RNF217: variants seen among roughly 807,000 people sequenced by gnomAD.
The protein encoded by RNF217 is E3 ubiquitin-protein ligase RNF217.
RNF217 carries 31 observed loss-of-function variants against 57.8 expected under a neutral mutation model. The ratio of observed to expected loss-of-function variants is 0.54; its 90% CI spans 0.40 to 0.72. The LOEUF (loss-of-function observed/expected upper bound fraction) is 0.72. Ranked by LOEUF, RNF217 falls within the 30% of genes least tolerant of loss-of-function variation. The probability of loss-of-function intolerance (pLI) is 0.00; values close to 1 mark genes in which losing one functional copy is unlikely to be tolerated. For missense variants in RNF217, 696 were observed against 708.3 expected (o/e 0.98, Z 0.20); for synonymous variants, 313 against 294.0 (o/e 1.06, Z -0.66).
At chr6:124,977,233 T>C (rs528477308) in intron 1 of RNF217, among the ~76,000 whole-genome samples, 5 of 152,206 alleles carry the variant, frequency 3.3e-5, no homozygotes, top group African/African-American at 4.8e-5. Flanking sequence ...ACTAGCTGAA[T>C]TTCAGCCACA....
intron 3 of RNF217, among the ~76,000 whole-genome samples, chr6:125,065,827 A>C (rs190924268): frequency 1.1e-4 from 16 of 152,328 alleles, no homozygotes; most frequent in African/African-American, 3.6e-4. Flanking sequence ...CTGTTGGCTC[A>C]GTCGGTAGGC....
chr6:125,006,009 TAAA>T (rs1284576966), intron 1 of RNF217: 2 of 152,184 alleles, frequency 1.3e-5, no homozygotes, highest in Admixed American at 6.5e-5. Context: ...GTTAATTAAT[TAAA>T]TAGTTTTTGA....
In RNF217 at chr6:124,963,043, T is replaced by C; in HGVS notation, c.499T>C (p.Tyr167His). The C allele has an allele frequency of 6.3e-7, 1 of 1,586,126 alleles. No individual in the cohort carries two copies. Among genetic ancestry groups the C allele is most frequent in the Non-Finnish European group, 8.5e-7 (1 of 1,174,370 alleles). Residue 167 changes from tyrosine (Y) to histidine (H), a missense_variant, in exon 1 of 6, where the codon TAC (tyrosine) becomes CAC (histidine). Tyr to His is a moderately conservative substitution (Grantham distance 83). Transcript: ENST00000521654. ...CAAGAGACAAGTCTTCTGCTCCGTG[T>C]ACTGCGTGGAGAGCGACCTGCCCGA... ...LAKRQVFCSV[Y>H]CVESDLPEAP...
At chr6:125,035,976 G>A (rs1786596508) in intron 1 of RNF217, among the ~76,000 whole-genome samples, 1 of 151,784 alleles carries the variant, frequency 6.6e-6, no homozygotes, top group African/African-American at 2.4e-5. Context: ...TGTTACATAG[G>A]TATACATGTG....
intron 3 of RNF217, among the ~76,000 whole-genome samples, chr6:125,062,356 A>C (rs1787767533): frequency 6.6e-6 from 1 of 152,266 alleles, no homozygotes; most frequent in South Asian, 2.1e-4. Context: ...ATTTTTATTT[A>C]TAATTGTATT....
At chr6:124,974,104 AT>A (rs1783866889) in intron 1 of RNF217, among the ~76,000 whole-genome samples, 1 of 152,064 alleles carries the variant, frequency 6.6e-6, no homozygotes, top group South Asian at 2.1e-4. Flanking sequence ...GCTGCATGAC[AT>A]TTTCTGCCCT....
At chr6:124,991,453 T>C (rs929949340) in intron 1 of RNF217, among the ~76,000 whole-genome samples, 1 of 152,204 alleles carries the variant, frequency 6.6e-6, no homozygotes, top group African/African-American at 2.4e-5. Context: ...CATACCAGCA[T>C]TCTTCTTCCT....
chr6:125,032,266 A>G (rs1452648089), intron 1 of RNF217, among the ~76,000 whole-genome samples: 1 of 152,154 alleles, frequency 6.6e-6, no homozygotes, highest in Admixed American at 6.5e-5. Flanking sequence ...TAGTGCAAAG[A>G]TATGGGATAG....
At chr6:125,005,780 A>G (rs955817950) in intron 1 of RNF217, among the ~76,000 whole-genome samples, 12 of 152,316 alleles carry the variant, frequency 7.9e-5, no homozygotes, top group African/African-American at 2.6e-4. Context: ...TTTCAAATAT[A>G]GACTTGTTTA....
intron 1 of RNF217, among the ~76,000 whole-genome samples, chr6:125,003,992 A>ATTAGACTTTTT: frequency 6.6e-6 from 1 of 152,300 alleles, no homozygotes; most frequent in East Asian, 1.9e-4. Context: ...CAAGTGCTGC[A>ATTAGACTTTTT]AAAATCTGCA....
chr6:124,963,497 G>A (rs766488622), intron 1 of RNF217, 71 bp downstream of exon 1: 10 of 1,419,848 alleles, frequency 7.0e-6, no homozygotes, highest in African/African-American at 1.4e-5. Context: ...CTCTCGATCT[G>A]ATCTCCCTGC....
At chr6:124,985,027 G>A (rs187864461) in intron 1 of RNF217, among the ~76,000 whole-genome samples, 135 of 152,200 alleles carry the variant, frequency 8.9e-4, no homozygotes, top group African/African-American at 2.9e-3. Context: ...GACATTAATG[G>A]CCAATAAATG....
rs191121662 is a variant in RNF217 at position 124,989,891 on chromosome 6, A to C, written c.882+26465A>C. ...TGAAAAAAAAAACACCAACAAAATA[A>C]AGACAACAAAACCCCCCTTGTAGGG... On this transcript the variant is annotated intron_variant, in intron 1 of 5. Transcript: ENST00000521654. Among the ~76,000 whole-genome samples, 621 of 151,772 alleles carry C rather than the reference A, an allele frequency of 4.1e-3. 4 individuals carry two copies. Among genetic ancestry groups the C allele is most frequent in the African/African-American group, 0.014 (568 of 41,442 alleles).
At chr6:125,052,927 C>T (rs1787382822) in intron 2 of RNF217, among the ~76,000 whole-genome samples, 1 of 152,076 alleles carries the variant, frequency 6.6e-6, no homozygotes, top group African/African-American at 2.4e-5. Context: ...ATTATAGGAA[C>T]TTACTGGCTC....
chr6:124,977,889 C>T (rs1385804844), intron 1 of RNF217, among the ~76,000 whole-genome samples: 4 of 152,060 alleles, frequency 2.6e-5, no homozygotes, highest in Non-Finnish European at 4.4e-5. Context: ...TCTTTTCTTC[C>T]ACTGGCTAAG....
intron 1 of RNF217, among the ~76,000 whole-genome samples, chr6:124,982,193 C>T (rs1456288204): frequency 1.3e-5 from 2 of 151,878 alleles, no homozygotes; most frequent in African/African-American, 2.4e-5. Context: ...TTGACTTTTC[C>T]CTTGGCTTAG....
intron 1 of RNF217, among the ~76,000 whole-genome samples, chr6:125,032,809 G>A (rs1786417315): frequency 6.6e-6 from 1 of 152,018 alleles, no homozygotes; most frequent in Non-Finnish European, 1.5e-5. Context: ...TAGTAAGGAG[G>A]GAAGAAAAGT....
chr6:124,986,557 A>T (rs184729329), intron 1 of RNF217, among the ~76,000 whole-genome samples: 1 of 152,192 alleles, frequency 6.6e-6, no homozygotes, highest in Non-Finnish European at 1.5e-5. Flanking sequence ...TTTCAAATAG[A>T]CTTTTTAAAA....
intron 4 of RNF217, among the ~76,000 whole-genome samples, chr6:125,079,345 A>C (rs1479552865): frequency 6.6e-6 from 1 of 152,078 alleles, no homozygotes; most frequent in Non-Finnish European, 1.5e-5. Context: ...AAGTCGTATA[A>C]TTTTTAAGAA....
Sources: allele counts gnomAD v4.1 joint callset (sites outside exome capture counted in the v4.1 genomes callset), GRCh38; gene constraint gnomAD v4.1.1; transcripts MANE v1.5; gene names NCBI Gene and HGNC (gene_info 2026-07-23, HGNC 2026-07-21).